Variants in B3GLCT observed in about 807,000 individuals in gnomAD.
B3GLCT encodes beta 3-glucosyltransferase, also known as beta-1,3-glucosyltransferase.
A neutral mutation model predicts 63.4 loss-of-function variants in B3GLCT; 65 were observed. The observed-to-expected ratio is 1.03, with a 90% CI of 0.84 to 1.26. The LOEUF is 1.26. Ranked by LOEUF, B3GLCT falls within the 50% of genes most tolerant of loss-of-function variation. The pLI is 0.00. For synonymous variants in B3GLCT, 233 were observed against 219.2 expected (o/e 1.06, Z -0.55); for missense variants, 577 against 604.8 (o/e 0.95, Z 0.48).
At position 31,263,829 on chromosome 13, in the gene B3GLCT, C is replaced by T. The variant is rs150998294; in HGVS notation, c.596+2747C>T. On this transcript the variant is annotated intron_variant, in intron 7 of 14. Transcript: ENST00000343307. ...GCGGTTTCACATCTCCCTTTCTAGT[C>T]AAGTTTAACCATATTTAGGAGTGAG... is the stretch of plus-strand genomic sequence containing the variant. Among the ~76,000 whole-genome samples, 5 of 152,206 alleles carry T rather than the reference C, an allele frequency of 3.3e-5. No individual in the cohort carries two copies. The East Asian group carries it at 9.7e-4, about 29-fold the overall frequency.
chr13:31,282,584 G>T (rs1264922199), intron 10 of B3GLCT, among the ~76,000 whole-genome samples: 2 of 150,324 alleles, frequency 1.3e-5, no homozygotes, highest in African/African-American at 4.9e-5. Flanking sequence ...AGAGCTTGCA[G>T]TGAGCTGAGA....
rs114774893 is a variant in B3GLCT, at chr13:31,256,227, A to G, written c.460-4719A>G. Among the ~76,000 whole-genome samples the G allele has an allele frequency of 9.1e-3, 1,389 of 152,354 alleles. 24 individuals are homozygous for G. Among genetic ancestry groups the G allele is most frequent in the African/African-American group, 0.03 (1,261 of 41,576 alleles). ...TAGAGAAATGCAAATCAAAATTACA[A>G]TGAGGTACCATCTCATGCCAGTTAG... On this transcript the variant is annotated intron_variant, in intron 6 of 14. Transcript: ENST00000343307.
intron 8 of B3GLCT, among the ~76,000 whole-genome samples, chr13:31,271,361 C>T (rs774462960): frequency 1.3e-5 from 2 of 151,982 alleles, no homozygotes; most frequent in South Asian, 2.1e-4. Flanking sequence ...TTTATTTATC[C>T]GTTCTCTTGT....
At chr13:31,286,868 A>T (rs1442275342) in intron 12 of B3GLCT, 49 bp downstream of exon 12, 1 of 1,322,356 alleles carries the variant, frequency 7.6e-7, no homozygotes, top group East Asian at 2.3e-5. Flanking sequence ...ACATATATTC[A>T]TATTCAAAAA....
intron 13 of B3GLCT, among the ~76,000 whole-genome samples, chr13:31,320,369 C>T (rs150178753): frequency 6.6e-6 from 1 of 152,192 alleles, no homozygotes; most frequent in African/African-American, 2.4e-5. Flanking sequence ...GAGGCCACTG[C>T]TTTGGGCCCG....
At chr13:31,259,027 T>C (rs974948901) in intron 6 of B3GLCT, among the ~76,000 whole-genome samples, 3 of 152,198 alleles carry the variant, frequency 2.0e-5, no homozygotes, top group African/African-American at 4.8e-5. Context: ...AGACTGTTAG[T>C]CTTCTCTGCT....
At chr13:31,310,037 G>A (rs762360172) in intron 12 of B3GLCT, among the ~76,000 whole-genome samples, 3 of 152,174 alleles carry the variant, frequency 2.0e-5, no homozygotes, top group Non-Finnish European at 4.4e-5. Flanking sequence ...CAGGTCCCCA[G>A]TGAAACCCAA....
chr13:31,273,428 G>A (rs1872655702), intron 8 of B3GLCT, among the ~76,000 whole-genome samples: 1 of 152,128 alleles, frequency 6.6e-6, no homozygotes, highest in Non-Finnish European at 1.5e-5. Flanking sequence ...CTTGTTTTGT[G>A]TAATCTTTTC....
intron 7 of B3GLCT, among the ~76,000 whole-genome samples, chr13:31,263,569 G>T (rs1035552214): frequency 2.6e-5 from 4 of 152,242 alleles, no homozygotes; most frequent in Non-Finnish European, 4.4e-5. Context: ...CCTCATTACT[G>T]TCTCATGCTC....
chr13:31,318,057 C>T (rs1047099010), intron 13 of B3GLCT, among the ~76,000 whole-genome samples: 4 of 151,842 alleles, frequency 2.6e-5, no homozygotes, highest in Non-Finnish European at 4.4e-5. Flanking sequence ...TAATAAATCG[C>T]CTTTGGAGAA....
At chr13:31,252,286 G>T (rs565494853) in intron 6 of B3GLCT, among the ~76,000 whole-genome samples, 22 of 152,288 alleles carry the variant, frequency 1.4e-4, no homozygotes, top group African/African-American at 5.3e-4. Context: ...AAAGACCATT[G>T]ATGCTATGAA....
At chr13:31,215,614 A>G (rs1187154431) in intron 2 of B3GLCT, among the ~76,000 whole-genome samples, 1 of 151,996 alleles carries the variant, frequency 6.6e-6, no homozygotes, top group Non-Finnish European at 1.5e-5. Context: ...GGGTTTCATC[A>G]TGTTGCCCAG....
chr13:31,229,853 A>G (rs1228348172), intron 4 of B3GLCT, among the ~76,000 whole-genome samples: 2 of 150,278 alleles, frequency 1.3e-5, no homozygotes, highest in African/African-American at 4.9e-5. Context: ...AAAAATATAT[A>G]TAAATTTAAG....
intron 4 of B3GLCT, among the ~76,000 whole-genome samples, chr13:31,244,907 A>G (rs555973650): frequency 5.5e-4 from 83 of 152,220 alleles, no homozygotes; most frequent in African/African-American, 1.6e-3. Context: ...CCTACTTTGT[A>G]TTTTTGAGTA....
chr13:31,290,923 G>T (rs138463881), intron 12 of B3GLCT, among the ~76,000 whole-genome samples: 1 of 152,162 alleles, frequency 6.6e-6, no homozygotes, highest in Non-Finnish European at 1.5e-5. Flanking sequence ...TTTTAGTCAC[G>T]AAGTCTTTGC....
chr13:31,222,074 ATTTT>A (rs5802597), intron 2 of B3GLCT, among the ~76,000 whole-genome samples: 6 of 92,938 alleles, frequency 6.5e-5, no homozygotes, highest in African/African-American at 4.2e-5. Context: ...TGTGCTCCTG[ATTTT>A]TTTTTTTTTT....
rs77624703 is a variant in B3GLCT at position 31,327,992 on chromosome 13, G to A, written c.1330-1509G>A. On this transcript the variant is annotated intron_variant, in intron 14 of 14. Coordinates refer to ENST00000343307, the MANE Select transcript of B3GLCT (RefSeq NM_194318.4). ...GTGCTGCTGAGTGTGCCCAACCGGCGGTAAGATGGCTTGAGCAGAGGCAGC... is the reference window on the plus strand; with the variant it reads ...GTGCTGCTGAGTGTGCCCAACCGGCAGTAAGATGGCTTGAGCAGAGGCAGC... 1.2e-3 allele frequency among the ~76,000 whole-genome samples: 189 copies of A among 152,346 alleles called. 2 individuals are homozygous for A. Among genetic ancestry groups the A allele is most frequent in the African/African-American group, 4.3e-3 (178 of 41,586 alleles).
At chr13:31,328,520 C>G (rs1875747089) in intron 14 of B3GLCT, among the ~76,000 whole-genome samples, 1 of 149,114 alleles carries the variant, frequency 6.7e-6, no homozygotes, top group Admixed American at 6.6e-5. Context: ...ATGGTGAAAC[C>G]CCCGTCTCCA....
chr13:31,224,307 T>C (rs964122267), intron 3 of B3GLCT, among the ~76,000 whole-genome samples: 4 of 152,230 alleles, frequency 2.6e-5, no homozygotes, highest in Admixed American at 2.6e-4. Flanking sequence ...TTGTAGTTTA[T>C]GGGAGCAGAT....
Sources: gnomAD v4.1 joint callset for allele counts (sites outside exome capture counted in the v4.1 genomes callset) on GRCh38, gnomAD v4.1.1 for gene constraint, MANE v1.5 for transcripts, NCBI Gene and HGNC (gene_info 2026-07-23, HGNC 2026-07-21) for gene names.